The following CACNG7 variants were observed in gnomAD, a reference collection of about 807,000 sequenced individuals.
CACNG7 encodes the protein calcium voltage-gated channel auxiliary subunit gamma 7, also known as voltage-dependent calcium channel gamma-7 subunit.
A neutral mutation model predicts 26.3 loss-of-function variants in CACNG7; 9 were observed. The observed-to-expected ratio is 0.34, with a 90% confidence interval of 0.21 to 0.60. CACNG7 has a LOEUF of 0.60. CACNG7 is among the 20% of genes least tolerant of loss of function. CACNG7 has a pLI of 0.81. For missense variants in CACNG7, 297 were observed against 380.4 expected, an observed-to-expected ratio of 0.78 and a Z score of 1.82; for synonymous variants, 170 against 157.0, an observed-to-expected ratio of 1.08 and a Z score of -0.62.
rs1427047095 is a variant in CACNG7, at chr19:53,912,206, G to A, written c.-29-597G>A. Among the ~76,000 whole-genome samples the A allele has an allele frequency of 2.0e-5, 3 of 152,094 alleles. No individual in the cohort carries two copies. Among genetic ancestry groups the A allele is most frequent in the African/African-American group, 7.2e-5 (3 of 41,404 alleles). ...GAGTTGAGGTTATTGATCCTTGTTG[G>A]AGTCTGGTGTTCACAACCGGGGGCT... On this transcript the variant is annotated intron_variant, in intron 1 of 5. Transcript: ENST00000391767. The surrounding 1 kb of genome is among the most constrained non-coding windows in gnomAD (Gnocchi z 4.6).
chr19:53,920,335 G>C (rs2068933058), intron 4 of CACNG7, among the ~76,000 whole-genome samples: 1 of 117,088 alleles, frequency 8.5e-6, no homozygotes, highest in Non-Finnish European at 1.7e-5. Flanking sequence ...CCCAGGTCTG[G>C]TCATTGGTGG....
intron 4 of CACNG7, among the ~76,000 whole-genome samples, chr19:53,917,575 C>T (rs938833762): frequency 3.3e-5 from 5 of 152,168 alleles, no homozygotes; most frequent in African/African-American, 4.8e-5. Context: ...AAGCAGGGTG[C>T]AACCTCCGTG....
chr19:53,918,807 C>T (rs148497851), intron 4 of CACNG7, among the ~76,000 whole-genome samples: 3,243 of 152,216 alleles, frequency 0.021, 103 homozygotes, highest in African/African-American at 0.073. Context: ...TCGCTCTCGT[C>T]GCCCAGGCTG....
chr19:53,937,715 C>T (rs1242693189), intron 4 of CACNG7, among the ~76,000 whole-genome samples: 2 of 151,846 alleles, frequency 1.3e-5, no homozygotes, highest in African/African-American at 4.8e-5. Context: ...CTCAGCATCC[C>T]GAGTAGCTGG....
At position 53,942,257 on chromosome 19, in the gene CACNG7, C is replaced by G. The variant is rs1195314159; in HGVS notation, c.792C>G (p.Tyr264Ter). 6.2e-7 allele frequency: 1 copy of G among 1,613,356 alleles called. No individual in the cohort carries two copies. Among genetic ancestry groups the G allele is most frequent in the East Asian group, 2.2e-5 (1 of 44,848 alleles). ...MTQNYPPAIK[Y>*]PDHLHISTSP... The stretch of plus-strand genomic sequence containing the variant: ...AGAACTACCCTCCCGCCATCAAGTA[C>G]CCGGACCACCTGCACATCTCCACCT... Residue 264 changes from tyrosine (Y) to a stop codon, truncating the protein, a stop_gained, in exon 6 of 6, where the codon TAC (tyrosine) becomes TAG (stop). Transcript: ENST00000391767. LOFTEE classifies it high-confidence loss of function. The surrounding 1 kb of genome is among the most constrained non-coding windows in gnomAD (Gnocchi z 5.9).
chr19:53,923,957 C>T (rs1247180640), intron 4 of CACNG7, among the ~76,000 whole-genome samples: 2 of 142,652 alleles, frequency 1.4e-5, no homozygotes, highest in African/African-American at 2.7e-5. Flanking sequence ...GAGTTGTCCC[C>T]AGGTCTGGTA....
At chr19:53,932,481 T>G (rs2069079602) in intron 4 of CACNG7, among the ~76,000 whole-genome samples, 1 of 151,686 alleles carries the variant, frequency 6.6e-6, no homozygotes, top group Non-Finnish European at 1.5e-5. Context: ...TTATAAGTAG[T>G]CTTTTATTTA....
At chr19:53,934,442 C>A (rs2069092440) in intron 4 of CACNG7, among the ~76,000 whole-genome samples, 1 of 152,154 alleles carries the variant, frequency 6.6e-6, no homozygotes, top group Non-Finnish European at 1.5e-5. Flanking sequence ...TGGTGTCCAT[C>A]AGAGCTCCCC....
intron 3 of CACNG7, among the ~76,000 whole-genome samples, chr19:53,914,823 G>A (rs1391691098): frequency 6.6e-6 from 1 of 152,006 alleles, no homozygotes; most frequent in Non-Finnish European, 1.5e-5. Context: ...CCAACATGGT[G>A]AAACCTTGTC....
chr19:53,919,803 G>A (rs1226004531), intron 4 of CACNG7, among the ~76,000 whole-genome samples: 4 of 145,442 alleles, frequency 2.8e-5, no homozygotes, highest in Non-Finnish European at 6.0e-5. Context: ...CCCCAGGCCC[G>A]GTATTGGTGG....
intron 4 of CACNG7, among the ~76,000 whole-genome samples, 170 bp downstream of exon 4, chr19:53,915,675 G>T (rs2068892746): frequency 6.6e-6 from 1 of 152,166 alleles, no homozygotes; most frequent in African/African-American, 2.4e-5. Flanking sequence ...CCATTGCAAA[G>T]CGTCCTTCAG....
rs1194690331 is a variant in CACNG7, at chr19:53,920,867, T to C, written c.424+5362T>C. ...GGTATTGGTGGAGTTGCCCCAGGTCTGGTCATTGGTGGAGTTGTCCCAGGT... is the reference window on the plus strand; with the variant it reads ...GGTATTGGTGGAGTTGCCCCAGGTCCGGTCATTGGTGGAGTTGTCCCAGGT... On this transcript the variant is annotated intron_variant, in intron 4 of 5. Coordinates refer to ENST00000391767, the MANE Select transcript of CACNG7 (RefSeq NM_031896.5). Among the ~76,000 whole-genome samples, 13 of 108,672 alleles carry C rather than the reference T, an allele frequency of 1.2e-4. 1 individual carries two copies. The highest frequency in any genetic ancestry group is 2.4e-4 in the Non-Finnish European group (13 of 54,006). 71.3% of individuals were successfully genotyped at this position (108,672 alleles called of 152,430 possible).
chr19:53,917,699 A>G (rs961032069), intron 4 of CACNG7, among the ~76,000 whole-genome samples: 2 of 152,160 alleles, frequency 1.3e-5, no homozygotes, highest in Non-Finnish European at 2.9e-5. Context: ...CAAATGGAAA[A>G]ATAGTAGCCT....
intron 1 of CACNG7, among the ~76,000 whole-genome samples, chr19:53,910,869 C>T (rs2068857763): frequency 6.6e-6 from 1 of 152,028 alleles, no homozygotes; most frequent in Admixed American, 6.6e-5. Context: ...GATTGGAAGT[C>T]CCAGCATGGG....
At position 53,943,386 on chromosome 19, in the gene CACNG7, G is replaced by C. The variant is rs540216395; in HGVS notation, c.*1093G>C. 1 of 151,998 alleles carries C rather than the reference G, an allele frequency of 6.6e-6. No individual in the cohort carries two copies. The highest frequency in any genetic ancestry group is 2.0e-4 in the East Asian group (1 of 5,104). 9.4% of individuals were successfully genotyped at this position (151,998 alleles called of 1,614,324 possible). A position where few individuals can be genotyped will look rare whatever the true frequency, so the allele number is the denominator to read the frequency against. On this transcript the variant is annotated 3_prime_UTR_variant, in exon 6 of 6. Coordinates refer to ENST00000391767, the MANE Select transcript of CACNG7 (RefSeq NM_031896.5). ...TCCGCCCCGTTGGACAGATTTTGGG[G>C]GGAGAGGAGGTCACCAGGAACTCGC...
rs115518624 is a variant in CACNG7, at chr19:53,926,151, A to G, written c.424+10646A>G. Among the ~76,000 whole-genome samples, 862 of 152,282 alleles carry G rather than the reference A, an allele frequency of 5.7e-3. 7 individuals carry two copies. Among genetic ancestry groups the G allele is most frequent in the African/African-American group, 0.02 (822 of 41,548 alleles). ...ACAGCTCCCGACTACCTGTCAGTCA[A>G]AGCTTTTCACACTTTTTCTTAAATC... On this transcript the variant is annotated intron_variant, in intron 4 of 5. Transcript: ENST00000391767.
In CACNG7 at chr19:53,942,555, T is replaced by A; in HGVS notation, c.*262T>A. The A allele has an allele frequency of 7.3e-7, 1 of 1,376,384 alleles. No individual in the cohort carries two copies. 85.3% of individuals were successfully genotyped at this position (1,376,384 alleles called of 1,614,324 possible). On this transcript the variant is annotated 3_prime_UTR_variant, in exon 6 of 6. Coordinates refer to ENST00000391767, the MANE Select transcript of CACNG7 (RefSeq NM_031896.5). The surrounding 1 kb of genome is among the most constrained non-coding windows in gnomAD (Gnocchi z 5.9). ...CTCCTCCCCTTCGTTGGCCCGCCCC[T>A]TTCCTCTGGCCCCTCCTCTCCAAGA...
intron 4 of CACNG7, 114 bp from the exon 5 acceptor site, chr19:53,941,356 C>G: frequency 1.6e-6 from 2 of 1,228,928 alleles, no homozygotes; most frequent in Non-Finnish European, 1.1e-6. Flanking sequence ...CAAGGGGCTT[C>G]AGGGAAGTTA....
At chr19:53,922,534 G>GT (rs1257116609) in intron 4 of CACNG7, among the ~76,000 whole-genome samples, 55 of 73,556 alleles carry the variant, frequency 7.5e-4, no homozygotes, top group South Asian at 3.5e-3. Context: ...GTTGTCCCAG[G>GT]CTGGTCATTG....
Sources: gnomAD v4.1 joint callset for allele counts (sites outside exome capture counted in the v4.1 genomes callset) on GRCh38, gnomAD v4.1.1 for gene constraint, Gnocchi (gnomAD v3.1) non-coding constraint, MANE v1.5 for transcripts, NCBI Gene and HGNC (gene_info 2026-07-23, HGNC 2026-07-21) for gene names.